The following SDK1 variants were observed in gnomAD, a reference collection of about 807,000 sequenced individuals.
The protein encoded by SDK1 is sidekick cell adhesion molecule 1.
A neutral mutation model predicts 245.5 loss-of-function variants in SDK1; 157 were observed. The ratio of observed to expected loss-of-function variants is 0.64; its 90% CI spans 0.56 to 0.73. The LOEUF (loss-of-function observed/expected upper bound fraction) is 0.73. SDK1 is among the 30% of genes least tolerant of loss of function. The probability of loss-of-function intolerance (pLI) is 0.00; values close to 1 mark genes in which losing one functional copy is unlikely to be tolerated. For missense variants in SDK1, 3,583 were observed against 3,002.3 expected (o/e 1.19, Z -4.52); for synonymous variants, 1,647 against 1,278.5 (o/e 1.29, Z -6.15).
chr7:3,322,164 T>C lies in SDK1; in HGVS notation c.298+20280T>C, dbSNP rs185123235. ...CCCACCAAAGGAAGTCCCATACGTA[T>C]TAAGCAGCCCCTAATGACCATCCAC... On this transcript the variant is annotated intron_variant, in intron 1 of 44. Transcript: ENST00000404826. Among the ~76,000 whole-genome samples the C allele has an allele frequency of 2.0e-5, 3 of 152,264 alleles. No individual in the cohort carries two copies. The East Asian group carries it at 5.8e-4, about 29-fold the overall frequency.
Position 4,103,032 on chromosome 7 carries a change from A to G in SDK1, c.3325-7631A>G, listed in dbSNP as rs550673820. On this transcript the variant is annotated intron_variant, in intron 22 of 44. Transcript: ENST00000404826. ...CTTTTTTTTTTGGAGACAGAGTCTC[A>G]CTCTGTCACCCAGGCTGGAGTGTAG... Among the ~76,000 whole-genome samples, 4 of 146,686 alleles carry G rather than the reference A, an allele frequency of 2.7e-5. No homozygotes were observed. In the East Asian group the frequency reaches 7.9e-4, roughly 29 times the overall value.
rs148439507 is a variant in SDK1, at chr7:3,967,386, A to G, written c.1498A>G (p.Arg500Gly). Residue 500 changes from arginine (R) to glycine (G), a missense_variant, in exon 10 of 45, where the codon AGG (arginine) becomes GGG (glycine). Transcript: ENST00000404826. ...TVTDGMTAIL[R>G]CEVSGAPKPA... ...TACTGACGGGATGACAGCCATTCTA[A>G]GGTGTGAGGTGTCCGGGGCTCCCAA... The G allele has an allele frequency of 6.8e-5, 110 of 1,614,138 alleles. No homozygotes were observed. The African/African-American group carries it at 1.4e-3, about 20-fold the overall frequency.
intron 44 of SDK1, among the ~76,000 whole-genome samples, chr7:4,261,177 C>T (rs553888218): frequency 3.9e-5 from 6 of 152,224 alleles, no homozygotes; most frequent in Admixed American, 3.3e-4. Context: ...CACAGGGCTC[C>T]GGGACAGATC....
At chr7:3,406,357 C>T (rs534457260) in intron 1 of SDK1, among the ~76,000 whole-genome samples, 1 of 152,242 alleles carries the variant, frequency 6.6e-6, no homozygotes, top group East Asian at 1.9e-4. Flanking sequence ...CTAGATTTAC[C>T]CTTAAGTAAC....
intron 2 of SDK1, among the ~76,000 whole-genome samples, chr7:3,626,886 C>G (rs1293675472): frequency 2.6e-5 from 4 of 152,066 alleles, no homozygotes; most frequent in Admixed American, 2.0e-4. Flanking sequence ...AAATAGATGG[C>G]CAGAATAGGG....
At position 3,672,796 on chromosome 7, in the gene SDK1, A is replaced by AT. The variant is rs1554307151; in HGVS notation, c.713+30691_713+30692insT. ...ATATATATATATATATATATATATA[A>AT]AAAATACAGAAAGCTCTAAGTATGC... On this transcript the variant is annotated intron_variant, in intron 4 of 44. Transcript: ENST00000404826. 8.5e-3 allele frequency among the ~76,000 whole-genome samples: 455 copies of AT among 53,298 alleles called. 6 individuals are homozygous for AT. Among genetic ancestry groups the AT allele is most frequent in the Non-Finnish European group, 9.9e-3 (290 of 29,198 alleles). The allele number at this position is 53,298 out of a possible 152,430, so 35.0% of individuals were successfully genotyped here. A position where few individuals can be genotyped will look rare whatever the true frequency, so the allele number is the denominator to read the frequency against.
chr7:4,266,476 C>T lies in SDK1; in HGVS notation c.*1092C>T, dbSNP rs1393577014. 11 of 985,226 alleles carry T rather than the reference C, an allele frequency of 1.1e-5. No homozygotes were observed. Among genetic ancestry groups the T allele is most frequent in the Non-Finnish European group, 1.2e-5 (10 of 829,764 alleles). 61.0% of individuals were successfully genotyped at this position (985,226 alleles called of 1,614,324 possible). A position where few individuals can be genotyped will look rare whatever the true frequency, so the allele number is the denominator to read the frequency against. On this transcript the variant is annotated 3_prime_UTR_variant, in exon 45 of 45. Coordinates refer to ENST00000404826, the MANE Select transcript of SDK1 (RefSeq NM_152744.4). The stretch of plus-strand genomic sequence containing the variant: ...TCTGTCCTGGCTTCTGCTGGCTGCT[C>T]GCAGCAGCCACCGCTTCTCCACCAC...
At chr7:3,406,131 A>C (rs957844812) in intron 1 of SDK1, among the ~76,000 whole-genome samples, 2 of 152,138 alleles carry the variant, frequency 1.3e-5, no homozygotes, top group African/African-American at 4.8e-5. Context: ...TTAATTTTCT[A>C]AACAAACTCT....
rs904693130 is a variant in SDK1, at chr7:4,266,881, G to A, written c.*1497G>A. 4 of 985,416 alleles carry A rather than the reference G, an allele frequency of 4.1e-6. No homozygotes were observed. Among genetic ancestry groups the A allele is most frequent in the Middle Eastern group, 5.2e-4 (1 of 1,936 alleles). The allele number at this position is 985,416 out of a possible 1,614,324, so 61.0% of individuals were successfully genotyped here. ...CCCTGTCAGTGCCCCCCAGTGCACG[G>A]CAAACGGGCAGGTGCCGTTCCCCCA... On this transcript the variant is annotated 3_prime_UTR_variant, in exon 45 of 45. Transcript: ENST00000404826.
chr7:4,142,654 G>C (rs746159806), intron 28 of SDK1, among the ~76,000 whole-genome samples: 1 of 152,088 alleles, frequency 6.6e-6, no homozygotes, highest in African/African-American at 2.4e-5. Context: ...GCAGAGACAG[G>C]GTTTCACCAT....
chr7:3,894,257 G>A (rs563075129), intron 5 of SDK1, among the ~76,000 whole-genome samples: 1 of 152,300 alleles, frequency 6.6e-6, no homozygotes, highest in Non-Finnish European at 1.5e-5. Flanking sequence ...TGTAACTTAA[G>A]AACAGTTTTA....
intron 5 of SDK1, among the ~76,000 whole-genome samples, chr7:3,826,753 A>G (rs1024587815): frequency 5.9e-5 from 9 of 152,178 alleles, no homozygotes; most frequent in Admixed American, 3.3e-4. Flanking sequence ...GGGCCACCTG[A>G]CCAACAGACT....
At chr7:4,058,899 T>C (rs1779366949) in intron 19 of SDK1, among the ~76,000 whole-genome samples, 1 of 151,938 alleles carries the variant, frequency 6.6e-6, no homozygotes, top group Non-Finnish European at 1.5e-5. Context: ...ATCATGAAAA[T>C]GTACAAACGT....
At chr7:3,574,988 C>T (rs1443860291) in intron 1 of SDK1, among the ~76,000 whole-genome samples, 2 of 152,012 alleles carry the variant, frequency 1.3e-5, no homozygotes, top group East Asian at 1.9e-4. Context: ...ACCCTTTCTG[C>T]CCCACTTCCA....
intron 1 of SDK1, among the ~76,000 whole-genome samples, chr7:3,456,049 G>A (rs1214335409): frequency 2.0e-5 from 3 of 152,170 alleles, no homozygotes; most frequent in Non-Finnish European, 2.9e-5. Flanking sequence ...CTTGAAAAAT[G>A]TGTTGAAAAC....
chr7:3,460,380 CTA>C (rs1284010617), intron 1 of SDK1, among the ~76,000 whole-genome samples: 2 of 152,142 alleles, frequency 1.3e-5, no homozygotes, highest in Non-Finnish European at 2.9e-5. Context: ...GAGTCAATAT[CTA>C]TTACAGACTG....
chr7:3,755,769 G>C (rs1300380154), intron 4 of SDK1, among the ~76,000 whole-genome samples: 2 of 152,134 alleles, frequency 1.3e-5, no homozygotes, highest in Non-Finnish European at 2.9e-5. Flanking sequence ...ATGCAGTATG[G>C]AGCTTTTTGA....
At chr7:3,718,955 C>T (rs1176224360) in intron 4 of SDK1, among the ~76,000 whole-genome samples, 1 of 152,152 alleles carries the variant, frequency 6.6e-6, no homozygotes, top group African/African-American at 2.4e-5. Context: ...ACATAAAAAT[C>T]CATCACGTTT....
At chr7:3,319,972 A>G (rs1779760887) in intron 1 of SDK1, among the ~76,000 whole-genome samples, 1 of 148,326 alleles carries the variant, frequency 6.7e-6, no homozygotes, top group South Asian at 2.1e-4. Flanking sequence ...TGAGAATGCG[A>G]AAAAATGAAT....
Sources: gnomAD v4.1 joint callset for allele counts (sites outside exome capture counted in the v4.1 genomes callset) on GRCh38, gnomAD v4.1.1 for gene constraint, MANE v1.5 for transcripts, NCBI Gene and HGNC (gene_info 2026-07-23, HGNC 2026-07-21) for gene names.